The following PCDHA2 variants were observed in gnomAD, a reference collection of about 807,000 sequenced individuals.
PCDHA2 encodes the protein protocadherin alpha-2.
PCDHA2 carries 58 observed loss-of-function variants against 66.0 expected under a neutral mutation model. That is an observed-to-expected ratio of 0.88 (90% CI 0.71 to 1.09). The LOEUF is 1.09. Among genes scored for constraint, PCDHA2 ranks in the 50% least tolerant of loss-of-function variants. The probability of loss-of-function intolerance (pLI) is 0.00; values close to 1 mark genes in which losing one functional copy is unlikely to be tolerated. For missense variants in PCDHA2, 1,267 were observed against 1,242.3 expected (o/e 1.02, Z -0.30); for synonymous variants, 634 against 554.0 (o/e 1.14, Z -2.03).
chr5:140,855,331 A>C (rs1554147752), intron 1 of PCDHA2, among the ~76,000 whole-genome samples: 1 of 149,982 alleles, frequency 6.7e-6, no homozygotes, highest in Non-Finnish European at 1.5e-5. Flanking sequence ...GGGAGAGGTT[A>C]AACGATTTTC....
intron 1 of PCDHA2, among the ~76,000 whole-genome samples, chr5:140,949,636 T>C (rs1047386786): frequency 1.3e-5 from 2 of 151,898 alleles, no homozygotes; most frequent in Non-Finnish European, 3.0e-5. Context: ...GGCATATTGC[T>C]TTTTGTTCAT....
rs782611214 is a variant in PCDHA2, at chr5:140,796,588, G to T, written c.1624G>T (p.Val542Leu). 1.2e-5 allele frequency: 20 copies of T among 1,612,660 alleles called. No individual in the cohort carries two copies. The highest frequency in any genetic ancestry group is 2.7e-5 in the African/African-American group (2 of 74,688). Residue 542 changes from valine (V) to leucine (L), a missense_variant, in exon 1 of 4, where the codon GTG (valine) becomes TTG (leucine). Coordinates refer to ENST00000526136, the MANE Select transcript of PCDHA2 (RefSeq NM_018905.3). ...QFQVSARDAGVPPLGSNVTLQ... is the reference protein window; with the variant it reads ...QFQVSARDAGLPPLGSNVTLQ... ...CCAGGTGAGCGCGCGGGATGCGGGCGTGCCGCCTCTGGGCAGCAACGTGAC... is the reference window on the plus strand; with the variant it reads ...CCAGGTGAGCGCGCGGGATGCGGGCTTGCCGCCTCTGGGCAGCAACGTGAC...
chr5:140,823,218 G>A (rs2150123612), intron 1 of PCDHA2: 9 of 1,613,766 alleles, frequency 5.6e-6, no homozygotes, highest in Non-Finnish European at 7.6e-6. Context: ...CACGGGACGC[G>A]GACGCGCAGG....
chr5:140,829,341 G>A (rs1554131894), intron 1 of PCDHA2: 7 of 1,614,256 alleles, frequency 4.3e-6, no homozygotes, highest in African/African-American at 4.0e-5. Flanking sequence ...GACCGCGAGA[G>A]CGTGTCGGCC....
intron 1 of PCDHA2, among the ~76,000 whole-genome samples, chr5:140,941,764 A>T (rs116374830): frequency 2.0e-5 from 3 of 152,190 alleles, no homozygotes. Flanking sequence ...TGCTTTTAAG[A>T]TAATTGTTTT....
intron 1 of PCDHA2, chr5:140,841,245 G>A (rs1483817095): frequency 1.3e-6 from 2 of 1,501,446 alleles, no homozygotes; most frequent in Non-Finnish European, 1.8e-6. Context: ...AGCGGAATTG[G>A]ATTAAAAGAC....
Position 140,796,703 on chromosome 5 carries a change from TGGTGCCGTGGTCGGTG to T in PCDHA2, c.1745_1760del (p.Pro582GlnfsTer51). On this transcript the variant is annotated frameshift_variant, in exon 1 of 4. Coordinates refer to ENST00000526136, the MANE Select transcript of PCDHA2 (RefSeq NM_018905.3). LOFTEE classifies it high-confidence loss of function. ...ACCGCTGCTGGCGCAGTGAGTGAGCTGGTGCCGTGGTCGGTGGGTGCAGGGCACGTGGTGGCGAAGG... is the reference window on the plus strand; with the variant it reads ...ACCGCTGCTGGCGCAGTGAGTGAGCTGGTGCAGGGCACGTGGTGGCGAAGG... 6.2e-7 allele frequency: 1 copy of T among 1,613,988 alleles called. No homozygotes were observed. Among genetic ancestry groups the T allele is most frequent in the Non-Finnish European group, 8.5e-7 (1 of 1,179,912 alleles).
intron 1 of PCDHA2, chr5:140,848,643 C>CAGG (rs2150415990): frequency 1.3e-6 from 2 of 1,593,132 alleles, no homozygotes; most frequent in African/African-American, 2.7e-5. Context: ...CCGCATCGCG[C>CAGG]AGGACCTGGG....
rs1368587662 is a variant in PCDHA2 at position 140,863,465 on chromosome 5, T to C, written c.2388+66113T>C. 19 of 507,706 alleles carry C rather than the reference T, an allele frequency of 3.7e-5. No individual in the cohort carries two copies. The Admixed American group carries it at 3.9e-4, about 10-fold the overall frequency. 31.5% of individuals were successfully genotyped at this position (507,706 alleles called of 1,614,324 possible). Reference sequence around the variant, plus strand: ...ACTCGCAGCAAAGGAGATTTTACTCTGGAGAGTCGCCTCCCAAGGTCAACA... The same window carrying C: ...ACTCGCAGCAAAGGAGATTTTACTCCGGAGAGTCGCCTCCCAAGGTCAACA... On this transcript the variant is annotated intron_variant, in intron 1 of 3. Coordinates refer to ENST00000526136, the MANE Select transcript of PCDHA2 (RefSeq NM_018905.3).
Position 140,895,372 on chromosome 5 carries a change from T to C in PCDHA2, c.2389-83577T>C, listed in dbSNP as rs112463980. Among the ~76,000 whole-genome samples, 883 of 152,294 alleles carry C rather than the reference T, an allele frequency of 5.8e-3. 7 individuals carry two copies. The highest frequency in any genetic ancestry group is 0.021 in the African/African-American group (855 of 41,558). On this transcript the variant is annotated intron_variant, in intron 1 of 3. Coordinates refer to ENST00000526136, the MANE Select transcript of PCDHA2 (RefSeq NM_018905.3). The stretch of plus-strand genomic sequence containing the variant: ...CCAGTGAGTACTTATTGGCACTTTT[T>C]GGAGTTCTTCAATTCTCAACACCAT...
At chr5:140,838,830 G>A (rs562018210) in intron 1 of PCDHA2, among the ~76,000 whole-genome samples, 1 of 151,882 alleles carries the variant, frequency 6.6e-6, no homozygotes, top group African/African-American at 2.4e-5. Context: ...ACTGAGGTGG[G>A]AGGATCACTT....
intron 1 of PCDHA2, among the ~76,000 whole-genome samples, chr5:140,918,920 G>A (rs1470075085): frequency 6.6e-6 from 1 of 152,204 alleles, no homozygotes; most frequent in Non-Finnish European, 1.5e-5. Context: ...TAACTACACA[G>A]CATATGGCAT....
At chr5:140,839,135 A>C (rs1378372841) in intron 1 of PCDHA2, among the ~76,000 whole-genome samples, 3 of 148,212 alleles carry the variant, frequency 2.0e-5, no homozygotes, top group African/African-American at 5.1e-5. Flanking sequence ...CATTCACATA[A>C]GCAGACCAAG....
chr5:140,968,823 A>G (rs569036779), intron 1 of PCDHA2: 3 of 1,614,192 alleles, frequency 1.9e-6, no homozygotes, highest in Non-Finnish European at 2.5e-6. Context: ...AGGGTTTCCA[A>G]AATCCTCCCT....
chr5:140,912,101 A>G (rs781989328), intron 1 of PCDHA2, among the ~76,000 whole-genome samples: 2 of 152,194 alleles, frequency 1.3e-5, no homozygotes, highest in Non-Finnish European at 2.9e-5. Context: ...CAGGAGAAAG[A>G]TGTAGGCTGG....
intron 1 of PCDHA2, among the ~76,000 whole-genome samples, chr5:140,910,949 C>T (rs1413845849): frequency 1.3e-5 from 2 of 152,112 alleles, no homozygotes; most frequent in African/African-American, 2.4e-5. Context: ...CAGTTCTTTT[C>T]GAGTGTAGCA....
intron 1 of PCDHA2, chr5:140,849,630 G>A: frequency 1.9e-6 from 3 of 1,598,686 alleles, no homozygotes; most frequent in Non-Finnish European, 2.6e-6. Flanking sequence ...CGACCTAGAC[G>A]CAGATGCCAA....
chr5:140,916,211 G>C (rs1373329073), intron 1 of PCDHA2, among the ~76,000 whole-genome samples: 4 of 152,182 alleles, frequency 2.6e-5, no homozygotes, highest in Non-Finnish European at 5.9e-5. Flanking sequence ...CCCTGGGGAA[G>C]ATCCAAATAT....
intron 3 of PCDHA2, among the ~76,000 whole-genome samples, chr5:140,999,748 G>A (rs1563643254): frequency 1.3e-5 from 2 of 152,188 alleles, no homozygotes; most frequent in South Asian, 2.1e-4. Flanking sequence ...ATCTGGGTTC[G>A]CAGCACATGA....
Sources: allele counts gnomAD v4.1 joint callset (sites outside exome capture counted in the v4.1 genomes callset), GRCh38; gene constraint gnomAD v4.1.1; transcripts MANE v1.5; gene names NCBI Gene and HGNC (gene_info 2026-07-23, HGNC 2026-07-21).